KHDRBS2: variants seen among roughly 807,000 people sequenced by gnomAD.
KHDRBS2 encodes the protein KH domain-containing, RNA-binding, signal transduction-associated protein 2.
A neutral mutation model predicts 44.3 loss-of-function variants in KHDRBS2; 26 were observed. That is an observed-to-expected ratio of 0.59 (90% confidence interval 0.43 to 0.81). The LOEUF (loss-of-function observed/expected upper bound fraction) is 0.81. Ranked by LOEUF, KHDRBS2 falls within the 40% of genes least tolerant of loss-of-function variation. The pLI, the probability that KHDRBS2 is intolerant of heterozygous loss-of-function variation, is 0.00. For synonymous variants in KHDRBS2, 194 were observed against 151.1 expected, an observed-to-expected ratio of 1.28 and a Z score of -2.08; for missense variants, 476 against 433.1, an observed-to-expected ratio of 1.10 and a Z score of -0.88.
intron 3 of KHDRBS2, among the ~76,000 whole-genome samples, chr6:62,033,124 T>G (rs774168096): frequency 2.8e-4 from 42 of 151,482 alleles, no homozygotes; most frequent in Admixed American, 2.6e-3. Flanking sequence ...GCAGAAGAAA[T>G]AATTAGTGAG....
At chr6:61,827,396 C>T (rs895361531) in intron 6 of KHDRBS2, among the ~76,000 whole-genome samples, 5 of 152,064 alleles carry the variant, frequency 3.3e-5, no homozygotes, top group South Asian at 2.1e-4. Flanking sequence ...TTTTCTTATC[C>T]GCTGGACCTC....
intron 1 of KHDRBS2, among the ~76,000 whole-genome samples, chr6:62,231,879 T>A (rs957311579): frequency 6.6e-6 from 1 of 152,188 alleles, no homozygotes; most frequent in Admixed American, 6.5e-5. Context: ...GACACCAATC[T>A]GTCTTGATTG....
chr6:61,942,040 T>G (rs1812238924), intron 4 of KHDRBS2, among the ~76,000 whole-genome samples: 1 of 151,996 alleles, frequency 6.6e-6, no homozygotes, highest in African/African-American at 2.4e-5. Context: ...AGCATGCTGT[T>G]GCCTTGAACT....
the KHDRBS2 span, among the ~76,000 whole-genome samples, chr6:61,630,839 T>G: frequency 6.6e-6 from 1 of 152,146 alleles, no homozygotes; most frequent in African/African-American, 2.4e-5. Context: ...GGTGTATATT[T>G]TTAGTGCTGA....
chr6:61,561,160 CCTTA>C, the KHDRBS2 span, among the ~76,000 whole-genome samples: 1 of 152,120 alleles, frequency 6.6e-6, no homozygotes, highest in African/African-American at 2.4e-5. Context: ...TCTTCTCTTC[CCTTA>C]CTTTCTTTCA....
intron 6 of KHDRBS2, among the ~76,000 whole-genome samples, chr6:61,836,870 T>C (rs1375948860): frequency 2.0e-5 from 3 of 152,076 alleles, no homozygotes; most frequent in Non-Finnish European, 4.4e-5. Context: ...TAGTTGGTGT[T>C]GACAAGAGGC....
the KHDRBS2 span, among the ~76,000 whole-genome samples, chr6:61,663,063 T>C: frequency 2.1e-4 from 32 of 151,938 alleles, no homozygotes; most frequent in South Asian, 5.2e-3. Context: ...CGGAATACTA[T>C]GCAGCCATAA....
At chr6:62,104,988 A>G (rs59703888) in intron 2 of KHDRBS2, among the ~76,000 whole-genome samples, 3,344 of 152,194 alleles carry the variant, frequency 0.022, 131 homozygotes, top group African/African-American at 0.075. Context: ...CATTTAAAGG[A>G]AAATAAGAGA....
chr6:61,897,725 C>G (rs1408142134), intron 5 of KHDRBS2, among the ~76,000 whole-genome samples: 1 of 152,042 alleles, frequency 6.6e-6, no homozygotes, highest in Non-Finnish European at 1.5e-5. Flanking sequence ...CTCTCTCTCT[C>G]TCTCTCTCTC....
intron 6 of KHDRBS2, among the ~76,000 whole-genome samples, chr6:61,848,552 C>CGT (rs1412204983): frequency 3.5e-4 from 13 of 37,242 alleles, no homozygotes; most frequent in African/African-American, 6.7e-4. Flanking sequence ...TATATATATA[C>CGT]ATATATATAT....
At chr6:61,973,383 T>G (rs1771844450) in intron 4 of KHDRBS2, among the ~76,000 whole-genome samples, 1 of 152,172 alleles carries the variant, frequency 6.6e-6, no homozygotes, top group Admixed American at 6.5e-5. Context: ...AGAACTAGGA[T>G]TACAGTGTTT....
At chr6:61,571,051 A>G in the KHDRBS2 span, among the ~76,000 whole-genome samples, 1 of 152,160 alleles carries the variant, frequency 6.6e-6, no homozygotes, top group Non-Finnish European at 1.5e-5. Flanking sequence ...CATGATGAAC[A>G]CAACAGTACC....
chr6:61,667,439 A>G, the KHDRBS2 span, among the ~76,000 whole-genome samples: 1 of 151,296 alleles, frequency 6.6e-6, no homozygotes, highest in African/African-American at 2.4e-5. Context: ...GTATTTTAAG[A>G]CCAGAAAAGA....
intron 2 of KHDRBS2, among the ~76,000 whole-genome samples, chr6:62,152,329 CA>C (rs1276962328): frequency 7.9e-5 from 12 of 151,968 alleles, no homozygotes; most frequent in Non-Finnish European, 1.6e-4. Flanking sequence ...CAAACAAAAA[CA>C]AAAAACAAAC....
chr6:61,608,517 C>T, the KHDRBS2 span, among the ~76,000 whole-genome samples: 2 of 151,754 alleles, frequency 1.3e-5, no homozygotes, highest in African/African-American at 4.8e-5. Context: ...TATACAGGTG[C>T]CATGGTGGTT....
chr6:61,721,146 T>A (rs1772436057), intron 7 of KHDRBS2, among the ~76,000 whole-genome samples: 1 of 152,010 alleles, frequency 6.6e-6, no homozygotes, highest in South Asian at 2.1e-4. Context: ...GTATCTCTGT[T>A]TTGGTACCAG....
At chr6:61,765,507 TC>T (rs1273447874) in intron 6 of KHDRBS2, among the ~76,000 whole-genome samples, 1 of 151,994 alleles carries the variant, frequency 6.6e-6, no homozygotes. Flanking sequence ...GATCCTACAT[TC>T]TTTTTTTATT....
chr6:61,592,934 G>C, the KHDRBS2 span, among the ~76,000 whole-genome samples: 58 of 152,282 alleles, frequency 3.8e-4, no homozygotes, highest in Non-Finnish European at 6.5e-4. Context: ...CCCATTCCAG[G>C]AGGTGGCATT....
chr6:61,816,916 T>C, intron 6 of KHDRBS2: 1 of 455,690 alleles, frequency 2.2e-6, no homozygotes, highest in South Asian at 1.5e-5. Context: ...TAGAAGTTAG[T>C]CATTTCCATC....
Sources: gnomAD v4.1 joint callset for allele counts (sites outside exome capture counted in the v4.1 genomes callset) on GRCh38, gnomAD v4.1.1 for gene constraint, MANE v1.5 for transcripts, NCBI Gene and HGNC (gene_info 2026-07-23, HGNC 2026-07-21) for gene names.